TMEM123: variants seen among roughly 807,000 people sequenced by gnomAD.
The protein encoded by TMEM123 is porimin.
TMEM123 carries 16 observed loss-of-function variants against 19.7 expected under a neutral mutation model. The ratio of observed to expected loss-of-function variants is 0.81; its 90% CI spans 0.55 to 1.23. The LOEUF (loss-of-function observed/expected upper bound fraction) is 1.23, where lower values mean the gene tolerates loss of function less well. TMEM123 is among the 50% of genes most tolerant of loss of function. TMEM123 has a pLI of 0.00. For missense variants in TMEM123, 313 were observed against 257.8 expected (o/e 1.21, Z -1.47); for synonymous variants, 118 against 99.4 (o/e 1.19, Z -1.12).
chr11:102,419,795 C>T (rs973440936), intron 2 of TMEM123, among the ~76,000 whole-genome samples: 9 of 152,196 alleles, frequency 5.9e-5, no homozygotes, highest in Non-Finnish European at 1.0e-4. Context: ...GTAGTTCTGC[C>T]TGCATTTCTA....
intron 2 of TMEM123, among the ~76,000 whole-genome samples, chr11:102,410,398 A>C (rs1324777109): frequency 1.3e-5 from 2 of 152,086 alleles, no homozygotes; most frequent in African/African-American, 4.8e-5. Flanking sequence ...CCAGATGGGC[A>C]AAGTTGACGG....
At chr11:102,452,186 A>C (rs918151776) in intron 1 of TMEM123, 1 of 226,880 alleles carries the variant, frequency 4.4e-6, no homozygotes, top group Non-Finnish European at 8.5e-6. Context: ...AGCCTTAGAA[A>C]CTCTAACCTC....
intron 2 of TMEM123, among the ~76,000 whole-genome samples, chr11:102,441,734 A>C (rs1294948448): frequency 2.6e-5 from 3 of 114,566 alleles, no homozygotes; most frequent in Non-Finnish European, 3.9e-5. Flanking sequence ...AAAACCCTTC[A>C]AAAAAAAAAA....
At position 102,398,687 on chromosome 11, in the gene TMEM123, A is replaced by G; in HGVS notation, c.*180T>C. 3.1e-6 allele frequency: 2 copies of G among 637,504 alleles called. No individual in the cohort carries two copies. The highest frequency in any genetic ancestry group is 4.3e-5 in the South Asian group (2 of 46,340). The allele number at this position is 637,504 out of a possible 1,614,324, so 39.5% of individuals were successfully genotyped here. The stretch of plus-strand genomic sequence containing the variant: ...TATAAGGATCCAGATGTTTATTTCA[A>G]AACCCAAACCCTTGTTACCTTGAAG... On this transcript the variant is annotated 3_prime_UTR_variant, in exon 5 of 5. Transcript: ENST00000398136.
At chr11:102,403,835 G>A (rs1424050150) in intron 2 of TMEM123, among the ~76,000 whole-genome samples, 2 of 152,028 alleles carry the variant, frequency 1.3e-5, no homozygotes. Context: ...CCCATGAAAG[G>A]GGGTTGTTAT....
intron 2 of TMEM123, among the ~76,000 whole-genome samples, chr11:102,435,726 C>T (rs969865509): frequency 2.0e-5 from 3 of 151,746 alleles, no homozygotes; most frequent in Non-Finnish European, 2.9e-5. Flanking sequence ...ATACCCATAG[C>T]GTGAATTGTG....
intron 2 of TMEM123, among the ~76,000 whole-genome samples, chr11:102,416,085 T>C (rs1952042184): frequency 6.6e-6 from 1 of 152,124 alleles, no homozygotes; most frequent in South Asian, 2.1e-4. Flanking sequence ...CAGCTAATTT[T>C]TGTATTTTTA....
At chr11:102,408,287 G>A (rs1951973086) in intron 2 of TMEM123, among the ~76,000 whole-genome samples, 1 of 152,200 alleles carries the variant, frequency 6.6e-6, no homozygotes, top group East Asian at 1.9e-4. Context: ...GTCTGGCACT[G>A]CTGTAAAAAA....
intron 2 of TMEM123, among the ~76,000 whole-genome samples, chr11:102,417,963 C>T (rs561315606): frequency 5.5e-4 from 83 of 152,002 alleles, no homozygotes; most frequent in African/African-American, 1.9e-3. Context: ...TGAAACTGGA[C>T]CCCTTCCTTT....
chr11:102,421,504 G>C (rs1312227766), intron 2 of TMEM123, among the ~76,000 whole-genome samples: 1 of 149,092 alleles, frequency 6.7e-6, no homozygotes, highest in Non-Finnish European at 1.5e-5. Flanking sequence ...CCACAACAAA[G>C]AGATATTCAG....
At chr11:102,432,260 T>C (rs562816765) in intron 2 of TMEM123, among the ~76,000 whole-genome samples, 1 of 151,902 alleles carries the variant, frequency 6.6e-6, no homozygotes, top group South Asian at 2.1e-4. Context: ...CAAAAAGATG[T>C]GGGAAAGTTT....
intron 2 of TMEM123, among the ~76,000 whole-genome samples, chr11:102,441,509 CA>C (rs535976197): frequency 0.013 from 2,041 of 152,242 alleles, 46 homozygotes; most frequent in African/African-American, 0.047. Flanking sequence ...GACAAAGACA[CA>C]ACATACCAGA....
intron 2 of TMEM123, among the ~76,000 whole-genome samples, chr11:102,408,198 T>C (rs561057442): frequency 3.9e-5 from 6 of 152,306 alleles, no homozygotes; most frequent in African/African-American, 9.6e-5. Context: ...ACACCATCCA[T>C]GCACCTTCCT....
At position 102,396,424 on chromosome 11, in the gene TMEM123, T is replaced by TTAAC. The variant is rs543751567; in HGVS notation, c.*2439_*2442dup. ...ATTATAATAAAAAGAAAAGAAGAGT[T>TTAAC]TAACTTTTTTTTTGTGAAAATACAA... On this transcript the variant is annotated 3_prime_UTR_variant, in exon 5 of 5. Coordinates refer to ENST00000398136, the MANE Select transcript of TMEM123 (RefSeq NM_052932.3). The TTAAC allele has an allele frequency of 1.4e-4, 22 of 152,252 alleles. No homozygotes were observed. The highest frequency in any genetic ancestry group is 5.1e-4 in the African/African-American group (21 of 41,546). The allele number at this position is 152,252 out of a possible 1,614,324, so 9.4% of individuals were successfully genotyped here.
chr11:102,403,058 T>C (rs531961393), intron 2 of TMEM123, among the ~76,000 whole-genome samples: 1 of 152,328 alleles, frequency 6.6e-6, no homozygotes, highest in South Asian at 2.1e-4. Context: ...TCACCCAGGC[T>C]GAAGTGCAGT....
chr11:102,415,320 C>A (rs1486557929), intron 2 of TMEM123, among the ~76,000 whole-genome samples: 1 of 152,176 alleles, frequency 6.6e-6, no homozygotes, highest in African/African-American at 2.4e-5. Context: ...GAACTCAACA[C>A]TTGACCAAAT....
chr11:102,437,189 A>G (rs1329484061), intron 2 of TMEM123, among the ~76,000 whole-genome samples: 2 of 152,062 alleles, frequency 1.3e-5, no homozygotes, highest in Non-Finnish European at 2.9e-5. Context: ...ATTCATCATG[A>G]CTTCTCCCTA....
chr11:102,401,073 A>C (rs768838765), intron 4 of TMEM123, among the ~76,000 whole-genome samples: 1 of 152,206 alleles, frequency 6.6e-6, no homozygotes, highest in Non-Finnish European at 1.5e-5. Context: ...TATTATTTAT[A>C]CTAACCACTC....
intron 2 of TMEM123, among the ~76,000 whole-genome samples, chr11:102,430,399 G>A (rs1286987926): frequency 2.6e-5 from 4 of 152,222 alleles, no homozygotes; most frequent in African/African-American, 9.7e-5. Flanking sequence ...GGGAGGCAGA[G>A]TGAGATGAAG....
Sources: gnomAD v4.1 joint callset for allele counts (sites outside exome capture counted in the v4.1 genomes callset) on GRCh38, gnomAD v4.1.1 for gene constraint, MANE v1.5 for transcripts, NCBI Gene and HGNC (gene_info 2026-07-23, HGNC 2026-07-21) for gene names.